CCDC169: variants seen among roughly 807,000 people sequenced by gnomAD.
CCDC169 encodes coiled-coil domain-containing protein 169.
In CCDC169, 30 loss-of-function variants were observed where a neutral mutation model predicts 36.0. That is an observed-to-expected ratio of 0.83 (90% CI 0.62 to 1.13). CCDC169 has a LOEUF of 1.13. Ranked by LOEUF, CCDC169 falls within the 50% of genes most tolerant of loss-of-function variation. The pLI, the probability that CCDC169 is intolerant of heterozygous loss-of-function variation, is 0.00. For synonymous variants in CCDC169, 85 were observed against 81.5 expected (o/e 1.04, Z -0.23); for missense variants, 245 against 245.9 (o/e 1.00, Z 0.03).
chr13:36,297,471 C>T (rs908784741), intron 1 of CCDC169, among the ~76,000 whole-genome samples, 166 bp downstream of exon 1: 5 of 152,146 alleles, frequency 3.3e-5, no homozygotes, highest in Admixed American at 1.3e-4. Context: ...CAAAGAGGCA[C>T]GTGAATCTTT....
chr13:36,280,650 T>C (rs1490942870), intron 4 of CCDC169: 3 of 152,224 alleles, frequency 2.0e-5, no homozygotes, highest in African/African-American at 7.2e-5. Context: ...CTTATTTATT[T>C]GGTTGTTCTT....
At chr13:36,231,718 C>G (rs556615600) in intron 7 of CCDC169, among the ~76,000 whole-genome samples, 20 of 152,262 alleles carry the variant, frequency 1.3e-4, no homozygotes, top group African/African-American at 4.8e-4. Context: ...TTCCTAAAAA[C>G]TTTCTTAGGG....
At chr13:36,251,061 G>A (rs1448612629) in intron 6 of CCDC169, among the ~76,000 whole-genome samples, 3 of 152,126 alleles carry the variant, frequency 2.0e-5, no homozygotes, top group Non-Finnish European at 2.9e-5. Flanking sequence ...GTAATGCAAC[G>A]TACCTATGTG....
intron 7 of CCDC169, among the ~76,000 whole-genome samples, chr13:36,235,952 G>T (rs888554944): frequency 1.3e-5 from 2 of 151,854 alleles, no homozygotes; most frequent in African/African-American, 4.8e-5. Flanking sequence ...CCAAAGAATT[G>T]CAAGATTTGT....
chr13:36,243,526 G>A (rs1233955819), intron 7 of CCDC169, among the ~76,000 whole-genome samples: 1 of 151,438 alleles, frequency 6.6e-6, no homozygotes, highest in Admixed American at 6.6e-5. Flanking sequence ...AATACATAAG[G>A]CCAGGCACGG....
chr13:36,253,450 T>G (rs1873429196), intron 6 of CCDC169, among the ~76,000 whole-genome samples: 2 of 151,624 alleles, frequency 1.3e-5, no homozygotes. Context: ...GCTATTCTCC[T>G]GCCTCACCTC....
chr13:36,271,333 T>C lies in CCDC169; in HGVS notation c.315+12136A>G, dbSNP rs114962496. 7.5e-3 allele frequency among the ~76,000 whole-genome samples: 1,147 copies of C among 152,282 alleles called. 13 individuals are homozygous for C. The highest frequency in any genetic ancestry group is 0.027 in the African/African-American group (1,114 of 41,554). On this transcript the variant is annotated intron_variant, in intron 4 of 7. Coordinates refer to ENST00000239859, the MANE Select transcript of CCDC169 (RefSeq NM_001144981.3). ...GGAATGTAAATTAGTACAACCTCTA[T>C]AGAAAACAGTACGGAGATTCCTTAA...
chr13:36,248,789 C>T, intron 6 of CCDC169, 107 bp from the exon 7 acceptor site: 4 of 963,980 alleles, frequency 4.1e-6, no homozygotes, highest in Admixed American at 4.4e-5. Context: ...GGTTCTTTTG[C>T]AGCATGTGTA....
rs35360922 is a variant in CCDC169 at position 36,290,984 on chromosome 13, TAA to T, written c.163+4792_163+4793del. ...TGACCAAAAAAGGGGGAATATAAAC[TAA>T]AAAAAAAAAAAATCCTAAGCCCCCT... On this transcript the variant is annotated intron_variant, in intron 2 of 7. Transcript: ENST00000239859. Among the ~76,000 whole-genome samples, 148 of 141,094 alleles carry T rather than the reference TAA, an allele frequency of 1.0e-3. 2 individuals carry two copies. The East Asian group carries it at 0.021, about 20-fold the overall frequency. 92.6% of individuals were successfully genotyped at this position (141,094 alleles called of 152,430 possible). A position where few individuals can be genotyped will look rare whatever the true frequency, so the allele number is the denominator to read the frequency against.
At chr13:36,248,560 T>A (rs991942249) in intron 7 of CCDC169, 46 bp downstream of exon 7, 1 of 1,525,696 alleles carries the variant, frequency 6.6e-7, no homozygotes. Flanking sequence ...GTGGCATTTA[T>A]GTGCAAATGT....
chr13:36,276,161 T>C (rs1876792149), intron 4 of CCDC169, among the ~76,000 whole-genome samples: 1 of 152,198 alleles, frequency 6.6e-6, no homozygotes, highest in Admixed American at 6.5e-5. Flanking sequence ...AAAGGATTAA[T>C]TTGCAGGGAG....
chr13:36,233,798 AT>A lies in CCDC169; in HGVS notation c.546-2507del, dbSNP rs566675211. On this transcript the variant is annotated intron_variant, in intron 7 of 7. Coordinates refer to ENST00000239859, the MANE Select transcript of CCDC169 (RefSeq NM_001144981.3). ...AGAATAAAGTGAAGGAAATTAAAAT[AT>A]TTTCCCCCAAAATATATTTCTTTGA... Among the ~76,000 whole-genome samples the A allele has an allele frequency of 8.2e-4, 125 of 152,268 alleles. 1 individual carries two copies. Among genetic ancestry groups the A allele is most frequent in the African/African-American group, 2.8e-3 (115 of 41,560 alleles).
intron 4 of CCDC169, among the ~76,000 whole-genome samples, chr13:36,268,367 A>G (rs919536026): frequency 8.5e-5 from 13 of 152,230 alleles, no homozygotes. Flanking sequence ...CTGCTCCTGA[A>G]TGATATCTGG....
At chr13:36,229,926 A>G (rs184058367), downstream of CCDC169, among the ~76,000 whole-genome samples, 22 of 152,292 alleles carry the variant, frequency 1.4e-4, no homozygotes, top group Admixed American at 6.5e-4. Flanking sequence ...TTGTCTAATG[A>G]TATGGGTCAA....
At chr13:36,251,650 A>C (rs1300102376) in intron 6 of CCDC169, among the ~76,000 whole-genome samples, 1 of 152,200 alleles carries the variant, frequency 6.6e-6, no homozygotes, top group Non-Finnish European at 1.5e-5. Context: ...TGTTCAGTTC[A>C]GTAAATAATT....
At chr13:36,227,703 TTAGAG>T (rs1870005442), downstream of CCDC169, among the ~76,000 whole-genome samples, 1 of 152,192 alleles carries the variant, frequency 6.6e-6, no homozygotes, top group Non-Finnish European at 1.5e-5. Flanking sequence ...ATTAACCCAC[TTAGAG>T]TATACAATAG....
chr13:36,257,485 C>T (rs1874042425), intron 4 of CCDC169, among the ~76,000 whole-genome samples: 1 of 132,608 alleles, frequency 7.5e-6, no homozygotes, highest in Non-Finnish European at 1.6e-5. Context: ...GCAGGCAGAT[C>T]ACGAGGTCAA....
chr13:36,266,925 C>T (rs2138538398), intron 4 of CCDC169, among the ~76,000 whole-genome samples: 1 of 152,284 alleles, frequency 6.6e-6, no homozygotes, highest in African/African-American at 2.4e-5. Flanking sequence ...ATCCATACTC[C>T]TAGTTTTAGA....
chr13:36,286,977 T>C (rs557623996), intron 2 of CCDC169, among the ~76,000 whole-genome samples: 100 of 152,296 alleles, frequency 6.6e-4, no homozygotes, highest in African/African-American at 1.9e-3. Context: ...AAACCAGTAC[T>C]GAAGAGAAAA....
Sources: allele counts gnomAD v4.1 joint callset (sites outside exome capture counted in the v4.1 genomes callset), GRCh38; gene constraint gnomAD v4.1.1; transcripts MANE v1.5; gene names NCBI Gene and HGNC (gene_info 2026-07-23, HGNC 2026-07-21).